Variants in STON1 observed in about 807,000 individuals in gnomAD.
The protein encoded by STON1 is stonin 1, also known as stonin-1.
In STON1, 79 loss-of-function variants were observed where a neutral mutation model predicts 60.9. That is an observed-to-expected ratio of 1.30 (90% CI 1.08 to 1.56). The LOEUF is 1.56. Ranked by LOEUF, STON1 falls within the 40% of genes most tolerant of loss-of-function variation. STON1 has a pLI of 0.00. For synonymous variants in STON1, 363 were observed against 306.9 expected, an observed-to-expected ratio of 1.18 and a Z score of -1.91; for missense variants, 1,166 against 858.9, an observed-to-expected ratio of 1.36 and a Z score of -4.47.
At chr2:48,563,752 G>A (rs887296982) in intron 1 of STON1, among the ~76,000 whole-genome samples, 15 of 151,986 alleles carry the variant, frequency 9.9e-5, no homozygotes, top group Middle Eastern at 6.8e-3. Flanking sequence ...GGAGTGCAGT[G>A]GTGTGATTTC....
At chr2:48,543,464 G>A (rs183760111) in intron 1 of STON1, among the ~76,000 whole-genome samples, 2 of 150,734 alleles carry the variant, frequency 1.3e-5, no homozygotes, top group Admixed American at 6.6e-5. Flanking sequence ...ATATCTCTTT[G>A]CCTTATTTGT....
chr2:48,571,084 G>C (rs1049416132), intron 1 of STON1, among the ~76,000 whole-genome samples: 8 of 152,068 alleles, frequency 5.3e-5, no homozygotes, highest in African/African-American at 1.9e-4. Flanking sequence ...TTGAACTCCT[G>C]GCCTCCAGTG....
intron 1 of STON1, among the ~76,000 whole-genome samples, chr2:48,576,879 C>G (rs749781403): frequency 2.0e-4 from 31 of 151,512 alleles, no homozygotes; most frequent in Admixed American, 1.1e-3. Flanking sequence ...ACGGTGAAAC[C>G]CTGTCTCTAC....
chr2:48,558,404 T>C (rs1350366029), intron 1 of STON1, among the ~76,000 whole-genome samples: 5 of 152,180 alleles, frequency 3.3e-5, no homozygotes, highest in African/African-American at 1.2e-4. Flanking sequence ...GATGTGGACA[T>C]TTCCAGGTGA....
chr2:48,553,606 G>A (rs1672191688), intron 1 of STON1, among the ~76,000 whole-genome samples: 1 of 152,146 alleles, frequency 6.6e-6, no homozygotes, highest in Admixed American at 6.5e-5. Context: ...TCCTGCCTCA[G>A]CCTCCCAAGT....
intron 1 of STON1, among the ~76,000 whole-genome samples, chr2:48,539,535 T>C (rs1348632722): frequency 6.6e-6 from 1 of 152,022 alleles, no homozygotes; most frequent in Non-Finnish European, 1.5e-5. Context: ...GGAGTCTCGC[T>C]CTGTCACCCA....
chr2:48,537,444 C>A (rs1671474623), intron 1 of STON1, among the ~76,000 whole-genome samples: 1 of 152,116 alleles, frequency 6.6e-6, no homozygotes, highest in Admixed American at 6.6e-5. Context: ...GAAACATGTA[C>A]ATAAATATAC....
chr2:48,578,581 CTTTTTTTT>C (rs59933765), intron 1 of STON1, among the ~76,000 whole-genome samples: 14 of 46,168 alleles, frequency 3.0e-4, no homozygotes, highest in African/African-American at 6.5e-4. Flanking sequence ...CTCCTCCTTC[CTTTTTTTT>C]TTTTTTTTTT....
chr2:48,580,193 C>T (rs571738555), intron 1 of STON1, among the ~76,000 whole-genome samples: 5 of 152,222 alleles, frequency 3.3e-5, no homozygotes, highest in Non-Finnish European at 5.9e-5. Context: ...CAGTTGTGAC[C>T]CACCATTCCC....
intron 3 of STON1, among the ~76,000 whole-genome samples, chr2:48,593,872 C>G (rs1238279100): frequency 6.6e-6 from 1 of 152,122 alleles, no homozygotes; most frequent in Non-Finnish European, 1.5e-5. Context: ...GTAGTGCTGT[C>G]CTGTGCAGCC....
chr2:48,584,457 G>A (rs538902757), intron 2 of STON1, among the ~76,000 whole-genome samples: 20 of 151,952 alleles, frequency 1.3e-4, no homozygotes, highest in Non-Finnish European at 1.9e-4. Context: ...TAGTAGAGAC[G>A]GGGTTTTCCC....
chr2:48,567,928 C>T (rs546376475), intron 1 of STON1, among the ~76,000 whole-genome samples: 2 of 152,102 alleles, frequency 1.3e-5, no homozygotes, highest in Non-Finnish European at 2.9e-5. Context: ...AGGAGTCTGG[C>T]GCTATAGGGA....
intron 1 of STON1, among the ~76,000 whole-genome samples, chr2:48,571,942 AC>A (rs1673230826): frequency 6.6e-6 from 1 of 152,192 alleles, no homozygotes; most frequent in South Asian, 2.1e-4. Context: ...AGGCAGGTGA[AC>A]CACAAGGTCA....
At chr2:48,538,894 A>G (rs1204732641) in intron 1 of STON1, among the ~76,000 whole-genome samples, 2 of 150,730 alleles carry the variant, frequency 1.3e-5, no homozygotes, top group African/African-American at 4.9e-5. Context: ...CTTGGATTAT[A>G]GGGATGAGCC....
At chr2:48,566,202 G>A (rs1672933938) in intron 1 of STON1, among the ~76,000 whole-genome samples, 1 of 152,242 alleles carries the variant, frequency 6.6e-6, no homozygotes, top group East Asian at 1.9e-4. Context: ...TTGAGATGGA[G>A]TTTCACTCTG....
At chr2:48,544,091 T>G (rs557918757) in intron 1 of STON1, among the ~76,000 whole-genome samples, 98 of 152,298 alleles carry the variant, frequency 6.4e-4, no homozygotes, top group Non-Finnish European at 1.1e-3. Context: ...GAATCTGTAT[T>G]TGGCTCAGAA....
At chr2:48,558,178 G>T (rs938875387) in intron 1 of STON1, among the ~76,000 whole-genome samples, 8 of 152,340 alleles carry the variant, frequency 5.3e-5, no homozygotes, top group Non-Finnish European at 1.2e-4. Flanking sequence ...AGCCAAGATC[G>T]CACCATTGCA....
intron 1 of STON1, among the ~76,000 whole-genome samples, chr2:48,557,347 G>T (rs1274589769): frequency 1.0e-5 from 1 of 96,834 alleles, no homozygotes; most frequent in Non-Finnish European, 2.2e-5. Flanking sequence ...GGGCGGCGGG[G>T]CAGAGGCGCT....
chr2:48,584,067 C>T (rs1423409243), intron 2 of STON1, among the ~76,000 whole-genome samples: 4 of 152,002 alleles, frequency 2.6e-5, no homozygotes, highest in Non-Finnish European at 5.9e-5. Context: ...CAAATCTTTA[C>T]TGAGTACTTA....
Sources: gnomAD v4.1 joint callset for allele counts (sites outside exome capture counted in the v4.1 genomes callset) on GRCh38, gnomAD v4.1.1 for gene constraint, MANE v1.5 for transcripts, NCBI Gene and HGNC (gene_info 2026-07-23, HGNC 2026-07-21) for gene names.